The following OSBPL2 variants were observed in gnomAD, a reference collection of about 807,000 sequenced individuals.
OSBPL2 encodes the protein oxysterol binding protein like 2, also known as oxysterol-binding protein-related protein 2.
In OSBPL2, 18 loss-of-function variants were observed where a neutral mutation model predicts 58.4. The observed-to-expected ratio is 0.31, with a 90% CI of 0.21 to 0.46. The LOEUF (loss-of-function observed/expected upper bound fraction) is 0.46. Among genes scored for constraint, OSBPL2 ranks in the 20% least tolerant of loss-of-function variants. The pLI, the probability that OSBPL2 is intolerant of heterozygous loss-of-function variation, is 1.00. For missense variants in OSBPL2, 461 were observed against 616.5 expected, an observed-to-expected ratio of 0.75 and a Z score of 2.67; for synonymous variants, 221 against 234.1, an observed-to-expected ratio of 0.94 and a Z score of 0.51.
chr20:62,286,832 T>C, intron 11 of OSBPL2, 121 bp downstream of exon 11: 10 of 1,216,836 alleles, frequency 8.2e-6, no homozygotes, highest in Non-Finnish European at 1.1e-5. Flanking sequence ...CAGCCTGTTG[T>C]CCCAGAGCAG....
chr20:62,250,307 T>G (rs1272430613), intron 1 of OSBPL2, among the ~76,000 whole-genome samples: 1 of 152,188 alleles, frequency 6.6e-6, no homozygotes, highest in Non-Finnish European at 1.5e-5. Context: ...CAGGGTGTGG[T>G]GCCTGTTATG....
At chr20:62,243,846 T>G (rs1179679200) in intron 1 of OSBPL2, among the ~76,000 whole-genome samples, 2 of 79,554 alleles carry the variant, frequency 2.5e-5, no homozygotes, top group African/African-American at 5.3e-5. Flanking sequence ...TTTTTTAAAT[T>G]TTTTAATTAA....
At chr20:62,283,979 G>A in intron 9 of OSBPL2, 67 bp from the exon 10 acceptor site, 2 of 1,465,192 alleles carry the variant, frequency 1.4e-6, no homozygotes, top group Middle Eastern at 1.8e-4. Flanking sequence ...ATTCCAGGGT[G>A]CCACATGTTT....
chr20:62,240,512 C>T (rs1297463626), intron 1 of OSBPL2, among the ~76,000 whole-genome samples: 3 of 152,196 alleles, frequency 2.0e-5, no homozygotes, highest in South Asian at 2.1e-4. Context: ...TTAGTTCATT[C>T]ATGAGGAAGC....
At chr20:62,253,013 C>T (rs529876319) in intron 1 of OSBPL2, among the ~76,000 whole-genome samples, 1 of 152,362 alleles carries the variant, frequency 6.6e-6, no homozygotes, top group East Asian at 1.9e-4. Flanking sequence ...ACATCCAGAC[C>T]ATGTCAGTAG....
At chr20:62,244,296 C>G (rs1555841192) in intron 1 of OSBPL2, among the ~76,000 whole-genome samples, 1 of 152,228 alleles carries the variant, frequency 6.6e-6, no homozygotes, top group Non-Finnish European at 1.5e-5. Flanking sequence ...CAAGGTGTCT[C>G]CTTCTCCTCT....
In OSBPL2 at chr20:62,284,040, T is replaced by C. The variant is rs1437295098; in HGVS notation, c.873-6T>C. ...ACTTGTCTTTAAAAATCCCATTTAATTACAGCAAAAAGAAGCTCTTTATGA... is the reference window on the plus strand; with the variant it reads ...ACTTGTCTTTAAAAATCCCATTTAACTACAGCAAAAAGAAGCTCTTTATGA... On this transcript the variant is annotated splice_region_variant and splice_polypyrimidine_tract_variant and intron_variant, in intron 9 of 13. Transcript: ENST00000313733. 1 of 1,608,982 alleles carries C rather than the reference T, an allele frequency of 6.2e-7. No individual in the cohort carries two copies. Among genetic ancestry groups the C allele is most frequent in the Non-Finnish European group, 8.5e-7 (1 of 1,176,586 alleles).
intron 6 of OSBPL2, among the ~76,000 whole-genome samples, chr20:62,275,504 T>C (rs1982331427): frequency 2.6e-5 from 4 of 151,908 alleles, no homozygotes; most frequent in Non-Finnish European, 5.9e-5. Flanking sequence ...CTTAACCTCC[T>C]GGATATGATC....
At chr20:62,241,751 G>GGCC (rs1979753363) in intron 1 of OSBPL2, among the ~76,000 whole-genome samples, 1 of 152,208 alleles carries the variant, frequency 6.6e-6, no homozygotes, top group African/African-American at 2.4e-5. Context: ...TGGGTGCCTG[G>GGCC]GCCGCCCTTG....
intron 1 of OSBPL2, among the ~76,000 whole-genome samples, chr20:62,243,388 A>G (rs1979864015): frequency 6.6e-6 from 1 of 152,110 alleles, no homozygotes; most frequent in African/African-American, 2.4e-5. Context: ...GGGCCAGGGG[A>G]GGGGTCCCAG....
intron 13 of OSBPL2, among the ~76,000 whole-genome samples, chr20:62,292,362 C>G (rs1434756682): frequency 6.6e-6 from 1 of 152,238 alleles, no homozygotes; most frequent in Admixed American, 6.5e-5. Context: ...CTGATCTTCA[C>G]CCCATGACCC....
chr20:62,272,037 A>G, intron 4 of OSBPL2, 88 bp from the exon 5 acceptor site: 2 of 1,514,206 alleles, frequency 1.3e-6, no homozygotes, highest in Non-Finnish European at 1.8e-6. Context: ...CTGCGGCTCC[A>G]TGAAGGGATG....
At chr20:62,256,000 G>A in intron 1 of OSBPL2, 57 bp from the exon 2 acceptor site, 2 of 562,394 alleles carry the variant, frequency 3.6e-6, no homozygotes, top group Admixed American at 3.7e-5. Context: ...TTTTTAAAAT[G>A]TTTTTAAACC....
At chr20:62,291,571 G>T in intron 12 of OSBPL2, 132 bp from the exon 13 acceptor site, 1 of 800,992 alleles carries the variant, frequency 1.2e-6, no homozygotes, top group South Asian at 1.4e-5. Flanking sequence ...TTGGTCTCCC[G>T]ATCACAGAAC....
chr20:62,293,616 A>G (rs1317457925), intron 13 of OSBPL2, among the ~76,000 whole-genome samples, 169 bp from the exon 14 acceptor site: 1 of 152,230 alleles, frequency 6.6e-6, no homozygotes, highest in African/African-American at 2.4e-5. Context: ...CATTCACATG[A>G]CCACGTGATC....
At position 62,249,421 on chromosome 20, in the gene OSBPL2, A is replaced by G. The variant is rs528690901; in HGVS notation, c.-128-6636A>G. Reference sequence around the variant, plus strand: ...CTCTGGGGATTGTTTTCTGAGTGCAAAGTGAGATCTGCGCGTGGAAGAACA... The same window carrying G: ...CTCTGGGGATTGTTTTCTGAGTGCAGAGTGAGATCTGCGCGTGGAAGAACA... On this transcript the variant is annotated intron_variant, in intron 1 of 13. Coordinates refer to ENST00000313733, the MANE Select transcript of OSBPL2 (RefSeq NM_144498.4). 3.5e-3 allele frequency among the ~76,000 whole-genome samples: 530 copies of G among 152,284 alleles called. 3 individuals carry two copies. Among genetic ancestry groups the G allele is most frequent in the African/African-American group, 0.011 (464 of 41,562 alleles).
intron 12 of OSBPL2, among the ~76,000 whole-genome samples, chr20:62,290,411 G>GTTTTTTTTTTTTTTTT (rs3065795): frequency 3.9e-5 from 3 of 76,376 alleles, no homozygotes; most frequent in Non-Finnish European, 6.8e-5. Context: ...AATTTTTTGG[G>GTTTTTTTTTTTTTTTT]TTTTTTTTTT....
At chr20:62,239,541 C>T (rs768291888) in intron 1 of OSBPL2, among the ~76,000 whole-genome samples, 8 of 152,180 alleles carry the variant, frequency 5.3e-5, no homozygotes, top group Non-Finnish European at 7.4e-5. Flanking sequence ...AGCCTGGCTC[C>T]GGCAGCTTTG....
rs1981464121 is a variant in OSBPL2 at position 62,263,656 on chromosome 20, A to C, written c.223A>C (p.Ser75Arg). Residue 75 changes from serine (S) to arginine (R), a missense_variant, in exon 4 of 14, where the codon AGC becomes CGC. Physicochemically the swap from Ser to Arg is moderately radical, Grantham distance 110. Around this residue, in one of 5 missense-constraint regions of OSBPL2, gnomAD observed 38 missense variants for 74.2 expected, o/e 0.51. Coordinates refer to ENST00000313733, the MANE Select transcript of OSBPL2 (RefSeq NM_144498.4). Reference sequence around the variant, plus strand: ...TCCCATGTTCAGCAGAAGCGACTTCAGCGTGTGGACCATCCTGAAGAAGTG... The same window carrying C: ...TCCCATGTTCAGCAGAAGCGACTTCCGCGTGTGGACCATCCTGAAGAAGTG... ...PAPMFSRSDF[S>R]VWTILKKCVG... 6.2e-7 allele frequency: 1 copy of C among 1,614,166 alleles called. No individual in the cohort carries two copies. The highest frequency in any genetic ancestry group is 8.5e-7 in the Non-Finnish European group (1 of 1,180,022).
Sources: allele counts gnomAD v4.1 joint callset (sites outside exome capture counted in the v4.1 genomes callset), GRCh38; gene constraint gnomAD v4.1.1; regional missense constraint gnomAD v4.1.1; transcripts MANE v1.5; gene names NCBI Gene and HGNC (gene_info 2026-07-23, HGNC 2026-07-21).